EXOC6B: variants seen among roughly 807,000 people sequenced by gnomAD.
EXOC6B encodes the protein SEC15 homolog B.
A neutral mutation model predicts 113.5 loss-of-function variants in EXOC6B; 54 were observed. The ratio of observed to expected loss-of-function variants is 0.48; its 90% CI spans 0.38 to 0.60. The LOEUF (loss-of-function observed/expected upper bound fraction) is 0.60, where lower values mean the gene tolerates loss of function less well. EXOC6B is among the 20% of genes least tolerant of loss of function. EXOC6B has a pLI of 0.00. For synonymous variants in EXOC6B, 357 were observed against 339.0 expected (o/e 1.05, Z -0.58); for missense variants, 797 against 977.5 (o/e 0.82, Z 2.46).
At chr2:72,458,080 C>T (rs1697359529) in intron 18 of EXOC6B, among the ~76,000 whole-genome samples, 1 of 152,074 alleles carries the variant, frequency 6.6e-6, no homozygotes, top group South Asian at 2.1e-4. Context: ...TGTAAGAGAA[C>T]AAGACAGAAT....
chr2:72,274,298 A>C (rs1427356043), intron 20 of EXOC6B, among the ~76,000 whole-genome samples: 1 of 152,164 alleles, frequency 6.6e-6, no homozygotes, highest in Non-Finnish European at 1.5e-5. Context: ...CTGTAAAGTC[A>C]ATTTTTTAAA....
At chr2:72,537,339 C>T (rs909554833) in intron 8 of EXOC6B, among the ~76,000 whole-genome samples, 20 of 151,886 alleles carry the variant, frequency 1.3e-4, no homozygotes, top group African/African-American at 4.8e-4. Context: ...CGGGCTGGCT[C>T]ACACCTGTAA....
At chr2:72,442,784 A>G (rs2105335389) in intron 18 of EXOC6B, among the ~76,000 whole-genome samples, 1 of 152,334 alleles carries the variant, frequency 6.6e-6, no homozygotes, top group South Asian at 2.1e-4. Context: ...GGAAGGGAAG[A>G]ATCAATATTG....
At chr2:72,192,712 C>A (rs1678923743) in intron 20 of EXOC6B, among the ~76,000 whole-genome samples, 2 of 152,150 alleles carry the variant, frequency 1.3e-5, no homozygotes, top group Non-Finnish European at 1.5e-5. Flanking sequence ...CCCTCTTCCC[C>A]AGGGGTGATT....
At chr2:72,246,557 G>A (rs1161989255) in intron 20 of EXOC6B, among the ~76,000 whole-genome samples, 1 of 149,968 alleles carries the variant, frequency 6.7e-6, no homozygotes, top group Non-Finnish European at 1.5e-5. Flanking sequence ...GCCCAGCCTG[G>A]AGTGCAGTGG....
At chr2:72,249,636 G>A (rs1351110166) in intron 20 of EXOC6B, among the ~76,000 whole-genome samples, 2 of 152,108 alleles carry the variant, frequency 1.3e-5, no homozygotes, top group African/African-American at 4.8e-5. Flanking sequence ...ATTGTAAAAT[G>A]TCTTCCAAGT....
At chr2:72,786,279 G>A (rs1405593688) in intron 1 of EXOC6B, among the ~76,000 whole-genome samples, 2 of 152,146 alleles carry the variant, frequency 1.3e-5, no homozygotes, top group Non-Finnish European at 2.9e-5. Flanking sequence ...CTAGAAGTTG[G>A]AGAAACAAGA....
At chr2:72,513,573 T>C (rs1701059525) in intron 10 of EXOC6B, among the ~76,000 whole-genome samples, 1 of 151,920 alleles carries the variant, frequency 6.6e-6, no homozygotes, top group East Asian at 1.9e-4. Flanking sequence ...TTTTGTTATA[T>C]TAAGAAAATA....
intron 8 of EXOC6B, among the ~76,000 whole-genome samples, chr2:72,544,640 C>A (rs1702800429): frequency 6.6e-6 from 1 of 152,030 alleles, no homozygotes; most frequent in Non-Finnish European, 1.5e-5. Context: ...ATACAGCACA[C>A]CAAGTTTCAA....
intron 6 of EXOC6B, among the ~76,000 whole-genome samples, chr2:72,629,233 C>T (rs917960244): frequency 1.3e-5 from 2 of 152,156 alleles, no homozygotes; most frequent in African/African-American, 2.4e-5. Context: ...CCAAACAGAA[C>T]AGAACAGGCC....
chr2:72,425,518 C>G (rs1695153454), intron 18 of EXOC6B, among the ~76,000 whole-genome samples: 1 of 152,054 alleles, frequency 6.6e-6, no homozygotes, highest in African/African-American at 2.4e-5. Flanking sequence ...ACAAACTGTC[C>G]TCAGAAAGAT....
intron 17 of EXOC6B, among the ~76,000 whole-genome samples, chr2:72,465,692 T>C (rs1698005346): frequency 1.3e-5 from 2 of 152,228 alleles, no homozygotes; most frequent in Non-Finnish European, 2.9e-5. Flanking sequence ...CAAATGATCA[T>C]ACATTACTCC....
chr2:72,664,148 A>G (rs1157143649), intron 6 of EXOC6B, among the ~76,000 whole-genome samples: 1 of 152,174 alleles, frequency 6.6e-6, no homozygotes, highest in Non-Finnish European at 1.5e-5. Context: ...TATCAACAAA[A>G]TAATTTTTTT....
At chr2:72,345,259 A>G (rs1432487073) in intron 19 of EXOC6B, among the ~76,000 whole-genome samples, 1 of 152,172 alleles carries the variant, frequency 6.6e-6, no homozygotes, top group Non-Finnish European at 1.5e-5. Flanking sequence ...TAGGTGGGAA[A>G]ACTGATTCCT....
chr2:72,608,915 A>G (rs1044774983), intron 6 of EXOC6B, among the ~76,000 whole-genome samples: 4 of 152,138 alleles, frequency 2.6e-5, no homozygotes, highest in African/African-American at 4.8e-5. Context: ...AAAAAGAAAT[A>G]AATCTACCAT....
At chr2:72,455,074 T>C (rs1032382764) in intron 18 of EXOC6B, among the ~76,000 whole-genome samples, 2 of 151,750 alleles carry the variant, frequency 1.3e-5, no homozygotes, top group African/African-American at 2.4e-5. Flanking sequence ...AAAAAAAAAA[T>C]CTTGAATCTT....
chr2:72,773,235 T>A (rs1683507153), intron 1 of EXOC6B, among the ~76,000 whole-genome samples: 1 of 147,586 alleles, frequency 6.8e-6, no homozygotes, highest in South Asian at 2.2e-4. Context: ...CAGGTGATCC[T>A]CCCATGTCAG....
intron 8 of EXOC6B, among the ~76,000 whole-genome samples, chr2:72,549,024 T>A (rs1214053041): frequency 6.6e-6 from 1 of 150,902 alleles, no homozygotes. Flanking sequence ...AAAATAAAAA[T>A]AAAAAAATTT....
At chr2:72,308,965 G>GA (rs1174373625) in intron 20 of EXOC6B, among the ~76,000 whole-genome samples, 1 of 151,970 alleles carries the variant, frequency 6.6e-6, no homozygotes, top group African/African-American at 2.4e-5. Context: ...TTTCATAAGA[G>GA]AAAAATAGTT....
Sources: gnomAD v4.1 joint callset for allele counts (sites outside exome capture counted in the v4.1 genomes callset) on GRCh38, gnomAD v4.1.1 for gene constraint, MANE v1.5 for transcripts, NCBI Gene and HGNC (gene_info 2026-07-23, HGNC 2026-07-21) for gene names.